The following EYS variants were observed in gnomAD, a reference collection of about 807,000 sequenced individuals.
The protein encoded by EYS is EGF-like photoreceptor maintenance factor.
Under a neutral mutation model 282.1 loss-of-function variants are expected in EYS, and 250 were observed. That is an observed-to-expected ratio of 0.89 (90% CI 0.80 to 0.98). EYS has a LOEUF of 0.98. Among genes scored for constraint, EYS ranks in the 50% least tolerant of loss-of-function variants. EYS has a pLI of 0.00. For missense variants in EYS, 4,016 were observed against 3,709.0 expected, an observed-to-expected ratio of 1.08 and a Z score of -2.15; for synonymous variants, 1,355 against 1,282.9, an observed-to-expected ratio of 1.06 and a Z score of -1.20.
intron 22 of EYS, among the ~76,000 whole-genome samples, chr6:64,671,229 C>A (rs1769447309): frequency 6.6e-6 from 1 of 152,066 alleles, no homozygotes; most frequent in African/African-American, 2.4e-5. Flanking sequence ...GAAACCCAGT[C>A]CCCAGTGTGA....
intron 2 of EYS, among the ~76,000 whole-genome samples, chr6:65,507,058 T>A (rs2127283123): frequency 6.6e-6 from 1 of 152,266 alleles, no homozygotes; most frequent in Middle Eastern, 3.4e-3. Flanking sequence ...TAGATCTGAG[T>A]TTCTGACCTA....
intron 30 of EYS, among the ~76,000 whole-genome samples, chr6:64,302,264 A>G (rs1259546971): frequency 6.6e-6 from 1 of 152,176 alleles, no homozygotes; most frequent in Non-Finnish European, 1.5e-5. Flanking sequence ...CCCAGAGACT[A>G]GCTAAACAAA....
intron 30 of EYS, among the ~76,000 whole-genome samples, chr6:64,297,340 A>G (rs1769069212): frequency 6.6e-6 from 1 of 151,954 alleles, no homozygotes; most frequent in South Asian, 2.1e-4. Flanking sequence ...GGAACATTCA[A>G]AAATAACTGC....
intron 29 of EYS, among the ~76,000 whole-genome samples, chr6:64,377,234 C>T (rs2150417571): frequency 6.6e-6 from 1 of 152,070 alleles, no homozygotes; most frequent in Non-Finnish European, 1.5e-5. Context: ...AGAATATGAA[C>T]TGATTCAAAA....
In EYS at chr6:65,700,429, A is replaced by G. The variant is rs995596833; in HGVS notation, c.-448+6706T>C. Among the ~76,000 whole-genome samples the G allele has an allele frequency of 9.2e-5, 14 of 152,324 alleles. No individual in the cohort carries two copies. In the East Asian group the frequency reaches 2.3e-3, roughly 25 times the overall value. ...CAAGTAGGCTACACCAGAAATATCC[A>G]AAGGCCAAATGGGGATACTGTGGCT... On this transcript the variant is annotated intron_variant, in intron 1 of 42. Transcript: ENST00000503581.
chr6:65,235,623 A>C (rs1766902877), intron 12 of EYS, among the ~76,000 whole-genome samples: 1 of 152,168 alleles, frequency 6.6e-6, no homozygotes, highest in Non-Finnish European at 1.5e-5. Context: ...TGCCACTCTG[A>C]ACAAGTCGCT....
chr6:64,447,929 A>G (rs1025138334), intron 26 of EYS, among the ~76,000 whole-genome samples: 1 of 152,248 alleles, frequency 6.6e-6, no homozygotes, highest in Non-Finnish European at 1.5e-5. Context: ...GCAATCCGTA[A>G]GGATAGAAAG....
intron 12 of EYS, among the ~76,000 whole-genome samples, chr6:65,275,332 C>T (rs1587701): frequency 0.028 from 4,222 of 152,260 alleles, 72 homozygotes; most frequent in Middle Eastern, 0.051. Flanking sequence ...ACCTGAGTTT[C>T]CCATAATGAA....
intron 35 of EYS, among the ~76,000 whole-genome samples, chr6:63,872,477 G>GTTTT (rs3041455): frequency 0.46 from 54,490 of 118,988 alleles, 13,693 homozygotes; most frequent in African/African-American, 0.62. Context: ...CCTAAATATG[G>GTTTT]TTTTTTTTTT....
chr6:65,086,201 A>T (rs945810491), intron 12 of EYS, among the ~76,000 whole-genome samples: 2 of 151,986 alleles, frequency 1.3e-5, no homozygotes, highest in Admixed American at 6.6e-5. Context: ...CTATAATTCC[A>T]CCTATTTGAG....
intron 12 of EYS, among the ~76,000 whole-genome samples, chr6:65,108,438 A>C (rs1179151425): frequency 2.6e-5 from 4 of 152,002 alleles, no homozygotes; most frequent in Non-Finnish European, 2.9e-5. Context: ...GCTGGGACTA[A>C]AGGCATGTGC....
chr6:65,133,595 T>C (rs1014058611), intron 12 of EYS, among the ~76,000 whole-genome samples: 1 of 152,068 alleles, frequency 6.6e-6, no homozygotes, highest in African/African-American at 2.4e-5. Context: ...CTGGACTCCT[T>C]CCTTACACCA....
At chr6:64,187,647 A>G (rs1764986990) in intron 31 of EYS, among the ~76,000 whole-genome samples, 1 of 152,116 alleles carries the variant, frequency 6.6e-6, no homozygotes, top group Non-Finnish European at 1.5e-5. Flanking sequence ...ATAATCACAC[A>G]TTGCATGTAA....
intron 22 of EYS, among the ~76,000 whole-genome samples, chr6:64,747,736 A>G (rs1019286378): frequency 3.9e-5 from 6 of 152,140 alleles, no homozygotes; most frequent in African/African-American, 9.7e-5. Flanking sequence ...CCATTAGTGT[A>G]CCTAGGGGAA....
chr6:65,414,119 G>T (rs1767135407), intron 5 of EYS, among the ~76,000 whole-genome samples: 1 of 152,024 alleles, frequency 6.6e-6, no homozygotes, highest in African/African-American at 2.4e-5. Flanking sequence ...AATAAATAAA[G>T]AGCATATCAA....
At chr6:65,647,285 C>T (rs948971468) in intron 1 of EYS, among the ~76,000 whole-genome samples, 1 of 152,094 alleles carries the variant, frequency 6.6e-6, no homozygotes, top group African/African-American at 2.4e-5. Context: ...GCCATAGTCA[C>T]CAAAACAGCA....
At chr6:64,093,957 A>C (rs1772477183) in intron 31 of EYS, among the ~76,000 whole-genome samples, 1 of 152,154 alleles carries the variant, frequency 6.6e-6, no homozygotes, top group African/African-American at 2.4e-5. Context: ...GAGAGTTTTT[A>C]GCATGAAGCG....
At chr6:65,543,913 T>C (rs986570758) in intron 2 of EYS, among the ~76,000 whole-genome samples, 3 of 152,056 alleles carry the variant, frequency 2.0e-5, no homozygotes, top group Non-Finnish European at 4.4e-5. Context: ...GGGAGCATAG[T>C]AGAGATGGCC....
At chr6:63,871,217 G>A (rs964169113) in intron 35 of EYS, among the ~76,000 whole-genome samples, 15 of 152,102 alleles carry the variant, frequency 9.9e-5, no homozygotes, top group Admixed American at 8.5e-4. Context: ...AAGCGGCCTT[G>A]GTCCTTTTAA....
Sources: allele counts gnomAD v4.1 joint callset (sites outside exome capture counted in the v4.1 genomes callset), GRCh38; gene constraint gnomAD v4.1.1; transcripts MANE v1.5; gene names NCBI Gene and HGNC (gene_info 2026-07-23, HGNC 2026-07-21).